Variants in ZNF827 observed in about 807,000 individuals in gnomAD.
ZNF827 encodes zinc finger protein 827.
Under a neutral mutation model 102.4 loss-of-function variants are expected in ZNF827, and 13 were observed. The ratio of observed to expected loss-of-function variants is 0.13; its 90% CI spans 0.08 to 0.20. ZNF827 has a LOEUF of 0.20. Ranked by LOEUF, ZNF827 falls within the 10% of genes least tolerant of loss-of-function variation. ZNF827 has a pLI of 1.00. For synonymous variants in ZNF827, 523 were observed against 536.2 expected, an observed-to-expected ratio of 0.98 and a Z score of 0.34; for missense variants, 1,103 against 1,344.4, an observed-to-expected ratio of 0.82 and a Z score of 2.81.
intron 1 of ZNF827, among the ~76,000 whole-genome samples, chr4:145,938,067 T>G (rs1172523042): frequency 7.2e-3 from 439 of 60,942 alleles, no homozygotes; most frequent in Admixed American, 0.014. Context: ...CAACCCAGAG[T>G]GAGGAGGGGG....
chr4:145,937,023 C>T (rs961951419), intron 1 of ZNF827, among the ~76,000 whole-genome samples: 1 of 152,134 alleles, frequency 6.6e-6, no homozygotes, highest in Non-Finnish European at 1.5e-5. Flanking sequence ...TCCCCTGCCC[C>T]CTCTTCCCTG....
intron 2 of ZNF827, among the ~76,000 whole-genome samples, chr4:145,893,306 T>C (rs1245961287): frequency 2.6e-5 from 4 of 152,238 alleles, no homozygotes; most frequent in Non-Finnish European, 4.4e-5. Flanking sequence ...CACTAGCCTC[T>C]GCAATTTAGG....
intron 1 of ZNF827, among the ~76,000 whole-genome samples, chr4:145,920,491 C>G (rs1249929091): frequency 3.9e-5 from 6 of 152,196 alleles, no homozygotes; most frequent in Non-Finnish European, 1.5e-5. Context: ...GGCAAGTCTC[C>G]TCAGGAAGGG....
chr4:145,835,362 T>G (rs1207763137), intron 7 of ZNF827: 2 of 152,086 alleles, frequency 1.3e-5, no homozygotes, highest in South Asian at 4.2e-4. Flanking sequence ...TTCAAGGGCC[T>G]GTTTCCCTTG....
At chr4:145,777,499 C>G (rs1222925602) in intron 9 of ZNF827, among the ~76,000 whole-genome samples, 2 of 152,178 alleles carry the variant, frequency 1.3e-5, no homozygotes, top group African/African-American at 2.4e-5. Context: ...CAAGTTCCCT[C>G]CCCACTTTGG....
intron 1 of ZNF827, among the ~76,000 whole-genome samples, chr4:145,927,242 T>G (rs563787117): frequency 1.8e-4 from 28 of 152,324 alleles, no homozygotes; most frequent in Middle Eastern, 6.8e-3. Flanking sequence ...GCTCTCCATA[T>G]GGAGCACATA....
chr4:145,788,932 T>C (rs1739277313), intron 8 of ZNF827, among the ~76,000 whole-genome samples: 1 of 152,280 alleles, frequency 6.6e-6, no homozygotes, highest in Admixed American at 6.5e-5. Flanking sequence ...ATGTGGGTTT[T>C]TGTTTTGTTT....
In ZNF827 at chr4:145,759,159, A is replaced by G. The variant is rs1734193751; in HGVS notation, c.*2457T>C. On this transcript the variant is annotated 3_prime_UTR_variant, in exon 15 of 15. Transcript: ENST00000508784. Reference sequence around the variant, plus strand: ...ATAGATAAATAATATATAAACTTTTATATTCCAAACTTCCCATTATTATAC... The same window carrying G: ...ATAGATAAATAATATATAAACTTTTGTATTCCAAACTTCCCATTATTATAC... 6.6e-6 allele frequency: 1 copy of G among 152,222 alleles called. No individual in the cohort carries two copies. The allele number at this position is 152,222 out of a possible 1,614,324, so 9.4% of individuals were successfully genotyped here. A position where few individuals can be genotyped will look rare whatever the true frequency, so the allele number is the denominator to read the frequency against.
At position 145,866,867 on chromosome 4, in the gene ZNF827, A is replaced by C. The variant is rs370990823; in HGVS notation, c.1981+3378T>G. Among the ~76,000 whole-genome samples the C allele has an allele frequency of 4.0e-4, 61 of 152,318 alleles. No individual in the cohort carries two copies. In the South Asian group the frequency reaches 0.01, roughly 26 times the overall value. ...TTAAAGCAAAACAGAGACAAAACAG[A>C]CAAAATTTTGTGTCATTTTCAGCAT... On this transcript the variant is annotated intron_variant, in intron 5 of 14. Transcript: ENST00000508784.
rs1267792160 is a variant in ZNF827, at chr4:145,833,355, C to T, written c.2280-9830G>A. 2.6e-5 allele frequency among the ~76,000 whole-genome samples: 4 copies of T among 152,302 alleles called. No homozygotes were observed. In the East Asian group the frequency reaches 5.8e-4, roughly 22 times the overall value. On this transcript the variant is annotated intron_variant, in intron 7 of 14. Transcript: ENST00000508784. The stretch of plus-strand genomic sequence containing the variant: ...CGCCAGTCACGGACTGGGAAGGCAG[C>T]CTTCCCTTGGTGTTTAATCATTGCA...
At chr4:145,838,533 TAAC>T (rs1745105841) in intron 7 of ZNF827, among the ~76,000 whole-genome samples, 1 of 152,028 alleles carries the variant, frequency 6.6e-6, no homozygotes, top group African/African-American at 2.4e-5. Context: ...TTGTTTATAT[TAAC>T]AATTTTTTGG....
At chr4:145,932,967 C>CGT (rs1376294691) in intron 1 of ZNF827, among the ~76,000 whole-genome samples, 5 of 152,212 alleles carry the variant, frequency 3.3e-5, no homozygotes, top group Non-Finnish European at 7.3e-5. Flanking sequence ...GCACAGCAAG[C>CGT]TCTAACACTG....
At chr4:145,830,621 CTT>C (rs1471027714) in intron 7 of ZNF827, 1 of 151,978 alleles carries the variant, frequency 6.6e-6, no homozygotes, top group African/African-American at 2.4e-5. Flanking sequence ...TTGCTAATAA[CTT>C]AATAGACGCT....
At chr4:145,776,612 TTGTG>T (rs140321780) in intron 9 of ZNF827, among the ~76,000 whole-genome samples, 2 of 151,042 alleles carry the variant, frequency 1.3e-5, no homozygotes, top group African/African-American at 2.4e-5. Flanking sequence ...GCATGTCTGT[TTGTG>T]TGTGTGTGTG....
intron 8 of ZNF827, among the ~76,000 whole-genome samples, chr4:145,814,013 G>C (rs1028768535): frequency 6.6e-6 from 1 of 152,172 alleles, no homozygotes; most frequent in Admixed American, 6.5e-5. Flanking sequence ...TGTTCCTCAT[G>C]TCCCTCCCCA....
chr4:145,837,806 C>T (rs1745007536), intron 7 of ZNF827, among the ~76,000 whole-genome samples: 1 of 152,106 alleles, frequency 6.6e-6, no homozygotes, highest in African/African-American at 2.4e-5. Context: ...AAACCGTATC[C>T]AGGCCATCAC....
intron 1 of ZNF827, among the ~76,000 whole-genome samples, chr4:145,926,183 G>A (rs906516824): frequency 3.3e-5 from 5 of 152,194 alleles, no homozygotes; most frequent in African/African-American, 1.2e-4. Context: ...ATGAATGAAT[G>A]AATGAACAAA....
At chr4:145,782,715 A>G (rs1738277787) in intron 8 of ZNF827, among the ~76,000 whole-genome samples, 1 of 152,166 alleles carries the variant, frequency 6.6e-6, no homozygotes, top group South Asian at 2.1e-4. Flanking sequence ...AAGGCTCCTC[A>G]AGGCCAAACT....
chr4:145,864,861 G>A (rs1748042538), intron 5 of ZNF827, among the ~76,000 whole-genome samples: 1 of 152,130 alleles, frequency 6.6e-6, no homozygotes, highest in Non-Finnish European at 1.5e-5. Flanking sequence ...AAGTCTGAAG[G>A]AGGCAAATGT....
Sources: allele counts gnomAD v4.1 joint callset (sites outside exome capture counted in the v4.1 genomes callset), GRCh38; gene constraint gnomAD v4.1.1; transcripts MANE v1.5; gene names NCBI Gene and HGNC (gene_info 2026-07-23, HGNC 2026-07-21).